F10: variants seen among roughly 807,000 people sequenced by gnomAD.
F10 encodes Stuart-Prower factor.
Under a neutral mutation model 37.1 loss-of-function variants are expected in F10, and 29 were observed. The observed-to-expected ratio is 0.78, with a 90% CI of 0.58 to 1.07. The LOEUF is 1.07. F10 is among the 50% of genes least tolerant of loss of function. F10 has a pLI of 0.00. For synonymous variants in F10, 262 were observed against 268.6 expected, an observed-to-expected ratio of 0.98 and a Z score of 0.24; for missense variants, 539 against 667.9, an observed-to-expected ratio of 0.81 and a Z score of 2.13.
At chr13:113,133,803 A>G (rs1256787595) in intron 2 of F10, among the ~76,000 whole-genome samples, 1 of 152,234 alleles carries the variant, frequency 6.6e-6, no homozygotes, top group East Asian at 1.9e-4. Flanking sequence ...GTGCAGCAAT[A>G]TATTTTTAAA....
At chr13:113,124,882 G>C (rs1417427050) in intron 1 of F10, among the ~76,000 whole-genome samples, 1 of 152,242 alleles carries the variant, frequency 6.6e-6, no homozygotes, top group African/African-American at 2.4e-5. Context: ...TCTGCTCTAG[G>C]CCTGTTTCCT....
Position 113,136,670 on chromosome 13 carries a change from A to T in F10, c.232-1787A>T, listed in dbSNP as rs2036481409. Among the ~76,000 whole-genome samples, 5 of 488 alleles carry T rather than the reference A, an allele frequency of 0.01. No individual in the cohort carries two copies. In the Non-Finnish European group the frequency reaches 0.14, roughly 14 times the overall value. The allele number at this position is 488 out of a possible 152,430, so 0.3% of individuals were successfully genotyped here. On this transcript the variant is annotated intron_variant, in intron 2 of 7. Coordinates refer to ENST00000375559, the MANE Select transcript of F10 (RefSeq NM_000504.4). ...TTTTTTTTTTTTTTTTTTTTTTTTGAGACGGAGTCTCGCTCTGTCGCCCAG... is the reference window on the plus strand; with the variant it reads ...TTTTTTTTTTTTTTTTTTTTTTTTGTGACGGAGTCTCGCTCTGTCGCCCAG...
intron 2 of F10, chr13:113,129,924 A>C: frequency 2.6e-6 from 1 of 380,086 alleles, no homozygotes; most frequent in Non-Finnish European, 5.1e-6. Flanking sequence ...CTAAAAACCA[A>C]TAGTCATGGT....
At position 113,128,886 on chromosome 13, in the gene F10, G is replaced by GAAA. The variant is rs778396585; in HGVS notation, c.71-543_71-541dup. 264 of 44,756 alleles carry GAAA rather than the reference G, an allele frequency of 5.9e-3. 1 individual carries two copies. Among genetic ancestry groups the GAAA allele is most frequent in the Non-Finnish European group, 6.9e-3 (154 of 22,346 alleles). The allele number at this position is 44,756 out of a possible 1,614,324, so 2.8% of individuals were successfully genotyped here. A position where few individuals can be genotyped will look rare whatever the true frequency, so the allele number is the denominator to read the frequency against. On this transcript the variant is annotated intron_variant, in intron 1 of 7. Transcript: ENST00000375559. ...ACAGAGCAAAACACCATCTTAAAGA[G>GAAA]AAAAAAAAAAAAAAAAAAAAAAAAA...
intron 2 of F10, chr13:113,131,002 C>T (rs150353308): frequency 6.6e-6 from 1 of 152,212 alleles, no homozygotes. Flanking sequence ...GGCAAGGAGA[C>T]CCAATATTAT....
intron 5 of F10, among the ~76,000 whole-genome samples, chr13:113,142,348 T>C (rs997057603): frequency 6.6e-6 from 1 of 150,620 alleles, no homozygotes; most frequent in Non-Finnish European, 1.5e-5. Context: ...GAGACCATCC[T>C]GGCCAACACA....
intron 4 of F10, among the ~76,000 whole-genome samples, chr13:113,140,214 T>C (rs1025278518): frequency 1.3e-5 from 2 of 151,892 alleles, no homozygotes; most frequent in African/African-American, 2.4e-5. Flanking sequence ...GCTGGGACTA[T>C]AGGCCCCGGC....
rs1486230539 is a variant in F10, at chr13:113,144,300, C to T, written c.747+205C>T. The T allele has an allele frequency of 1.6e-5, 12 of 738,556 alleles. No individual in the cohort carries two copies. The highest frequency in any genetic ancestry group is 5.0e-5 in the Admixed American group (2 of 39,704). The allele number at this position is 738,556 out of a possible 1,614,324, so 45.8% of individuals were successfully genotyped here. On this transcript the variant is annotated intron_variant, in intron 6 of 7. Coordinates refer to ENST00000375559, the MANE Select transcript of F10 (RefSeq NM_000504.4). The surrounding 1 kb of genome is among the most constrained non-coding windows in gnomAD (Gnocchi z 6.4). Reference sequence around the variant, plus strand: ...GCTGTGAGCTCCACAGGGAAGTGGCCGGGGCTGAGGGAGAGGCTGGGCCCA... The same window carrying T: ...GCTGTGAGCTCCACAGGGAAGTGGCTGGGGCTGAGGGAGAGGCTGGGCCCA...
intron 7 of F10, 110 bp from the exon 8 acceptor site, chr13:113,148,806 C>T (rs2036609165): frequency 6.7e-7 from 1 of 1,501,486 alleles, no homozygotes; most frequent in Admixed American, 2.2e-5. Flanking sequence ...CAAAAGTGAT[C>T]ACGTGCCATT....
At chr13:113,127,374 T>C (rs1380270467) in intron 1 of F10, among the ~76,000 whole-genome samples, 1 of 152,078 alleles carries the variant, frequency 6.6e-6, no homozygotes, top group Non-Finnish European at 1.5e-5. Flanking sequence ...GCTAGAGAGA[T>C]CAGTTGGAAG....
At chr13:113,147,334 C>G (rs1312654505) in intron 6 of F10, 45 bp from the exon 7 acceptor site, 1 of 1,356,862 alleles carries the variant, frequency 7.4e-7, no homozygotes, top group South Asian at 1.2e-5. Context: ...CAGGCAACAC[C>G]TGTCCACCTG....
intron 1 of F10, among the ~76,000 whole-genome samples, chr13:113,124,813 G>T (rs986489344): frequency 2.6e-5 from 4 of 152,252 alleles, no homozygotes; most frequent in Non-Finnish European, 4.4e-5. Flanking sequence ...AGCTCTGGAG[G>T]CTGGAAGTTC....
intron 2 of F10, among the ~76,000 whole-genome samples, chr13:113,133,907 A>C (rs1374968431): frequency 6.6e-6 from 1 of 152,240 alleles, no homozygotes; most frequent in Non-Finnish European, 1.5e-5. Flanking sequence ...CCATATAAAC[A>C]AAAGAGAACA....
In F10 at chr13:113,144,144, G is replaced by GGGGT; in HGVS notation, c.747+49_747+50insGGGT. On this transcript the variant is annotated intron_variant, in intron 6 of 7. Transcript: ENST00000375559. The surrounding 1 kb of genome is among the most constrained non-coding windows in gnomAD (Gnocchi z 6.4). ...GCCTGCTGGAGAGACCACCTGTCCC[G>GGGGT]CTGTGCACCTCGGGGAGGCCAGCCT... 6.2e-7 allele frequency: 1 copy of GGGGT among 1,611,010 alleles called. No individual in the cohort carries two copies. Among genetic ancestry groups the GGGGT allele is most frequent in the African/African-American group, 1.3e-5 (1 of 75,032 alleles).
chr13:113,138,576 T>C (rs2036499733), intron 3 of F10, 95 bp downstream of exon 3: 10 of 856,178 alleles, frequency 1.2e-5, no homozygotes, highest in African/African-American at 1.7e-5. Context: ...CTGCTTTTGT[T>C]CTCATTTTAC....
rs1488263286 is a variant in F10 at position 113,129,466 on chromosome 13, G to C, written c.85G>C (p.Glu29Gln). 1 of 1,613,882 alleles carries C rather than the reference G, an allele frequency of 6.2e-7. No individual in the cohort carries two copies. The highest frequency in any genetic ancestry group is 8.5e-7 in the Non-Finnish European group (1 of 1,180,028). Reference sequence around the variant, plus strand: ...CTGCCTTCCAGTGTTCATCCGCAGGGAGCAGGCCAACAACATCCTGGCGAG... The same window carrying C: ...CTGCCTTCCAGTGTTCATCCGCAGGCAGCAGGCCAACAACATCCTGGCGAG... ...LLGESLFIRR[E>Q]QANNILARVT... Residue 29 changes from glutamate (E) to glutamine (Q), a missense_variant, in exon 2 of 8, where the codon GAG becomes CAG. By Grantham distance (29) the Glu-to-Gln change is conservative (BLOSUM62 2). Around this residue, in one of 2 missense-constraint regions of F10, gnomAD observed 130 missense variants for 120.0 expected, o/e 1.08. Transcript: ENST00000375559.
rs753441562 is a variant in F10, at chr13:113,149,007, T to C, written c.957T>C (p.Tyr319=). 8 of 1,613,378 alleles carry C rather than the reference T, an allele frequency of 5.0e-6. No homozygotes were observed. The highest frequency in any genetic ancestry group is 5.9e-6 in the Non-Finnish European group (7 of 1,180,022). Residue 319 remains tyrosine (Y), a synonymous_variant, in exon 8 of 8, where the codon TAT becomes TAC. Transcript: ENST00000375559. This position sits in a 1 kb window ranked among gnomAD's most constrained non-coding sequence, Gnocchi z 7.5. ...IKHNRFTKET[Y]DFDIAVLRLK... The stretch of plus-strand genomic sequence containing the variant: ...ACAACCGGTTCACAAAGGAGACCTA[T>C]GACTTCGACATCGCCGTGCTCCGGC...
In F10 at chr13:113,146,799, A is replaced by G. The variant is rs906734121; in HGVS notation, c.748-580A>G. Among the ~76,000 whole-genome samples the G allele has an allele frequency of 5.3e-5, 8 of 152,150 alleles. No individual in the cohort carries two copies. The highest frequency in any genetic ancestry group is 1.9e-4 in the African/African-American group (8 of 41,440). On this transcript the variant is annotated intron_variant, in intron 6 of 7. Transcript: ENST00000375559. This position sits in a 1 kb window ranked among gnomAD's most constrained non-coding sequence, Gnocchi z 4.5. Reference sequence around the variant, plus strand: ...AATATGCCCGGGCTCCAAACTTGCAAGTCCAGCTCCCTAGGGACAGCATGT... The same window carrying G: ...AATATGCCCGGGCTCCAAACTTGCAGGTCCAGCTCCCTAGGGACAGCATGT...
rs202119318 is a variant in F10 at position 113,148,397 on chromosome 13, T to TAC, written c.866-518_866-517insCA. ...ATATGTGTATATATATATACATATA[T>TAC]ATACACACACACACACAATTTCCAT... On this transcript the variant is annotated intron_variant, in intron 7 of 7. Transcript: ENST00000375559. Among the ~76,000 whole-genome samples, 208 of 29,510 alleles carry TAC rather than the reference T, an allele frequency of 7.0e-3. 1 individual carries two copies. In the East Asian group the frequency reaches 0.19, roughly 27 times the overall value. 19.4% of individuals were successfully genotyped at this position (29,510 alleles called of 152,430 possible).
Sources: gnomAD v4.1 joint callset for allele counts (sites outside exome capture counted in the v4.1 genomes callset) on GRCh38, gnomAD v4.1.1 for gene constraint, gnomAD v4.1.1 regional missense constraint, Gnocchi (gnomAD v3.1) non-coding constraint, MANE v1.5 for transcripts, NCBI Gene and HGNC (gene_info 2026-07-23, HGNC 2026-07-21) for gene names.